DNAH5: variants seen among roughly 807,000 people sequenced by gnomAD.
The protein encoded by DNAH5 is axonemal beta dynein heavy chain 5.
DNAH5 carries 372 observed loss-of-function variants against 518.2 expected under a neutral mutation model. That is an observed-to-expected ratio of 0.72 (90% CI 0.66 to 0.78). DNAH5 has a LOEUF of 0.78. Ranked by LOEUF, DNAH5 falls within the 30% of genes least tolerant of loss-of-function variation. The pLI is 0.00. For missense variants in DNAH5, 5,523 were observed against 5,687.0 expected (o/e 0.97, Z 0.93); for synonymous variants, 2,039 against 2,025.9 (o/e 1.01, Z -0.17).
chr5:13,850,418 G>C (rs1766667669), intron 31 of DNAH5, among the ~76,000 whole-genome samples: 1 of 152,218 alleles, frequency 6.6e-6, no homozygotes, highest in African/African-American at 2.4e-5. Flanking sequence ...TGTTTATACA[G>C]TCTTATCCCA....
At chr5:13,942,604 C>T (rs568543724) in intron 1 of DNAH5, among the ~76,000 whole-genome samples, 23 of 152,264 alleles carry the variant, frequency 1.5e-4, no homozygotes, top group African/African-American at 5.1e-4. Flanking sequence ...ATCTGATCAC[C>T]GTCAGTCGCT....
intron 12 of DNAH5, among the ~76,000 whole-genome samples, chr5:13,904,210 C>T (rs1775005908): frequency 6.6e-6 from 1 of 150,902 alleles, no homozygotes; most frequent in Admixed American, 6.6e-5. Context: ...AAAAAAAGTT[C>T]ACCTCACTTA....
At chr5:13,999,390 C>A (rs1163481244) in intron 1 of DNAH5, among the ~76,000 whole-genome samples, 1 of 152,228 alleles carries the variant, frequency 6.6e-6, no homozygotes, top group African/African-American at 2.4e-5. Flanking sequence ...TGGCCACCAC[C>A]ATTCCACTCT....
chr5:13,760,197 C>G (rs769532913), intron 60 of DNAH5, among the ~76,000 whole-genome samples: 3 of 152,144 alleles, frequency 2.0e-5, no homozygotes, highest in Non-Finnish European at 4.4e-5. Context: ...TGAACATTTT[C>G]TAGTACTTTA....
At chr5:13,747,895 T>C (rs912110683) in intron 65 of DNAH5, among the ~76,000 whole-genome samples, 11 of 152,166 alleles carry the variant, frequency 7.2e-5, no homozygotes, top group African/African-American at 2.7e-4. Flanking sequence ...TTGTCAATTT[T>C]GTCAATTTTG....
Position 13,901,568 on chromosome 5 carries a change from T to A in DNAH5, c.1736A>T (p.Asn579Ile). ...LRMLKKFERL[N>I]IPNLGIDDKY... ...GTCATCAATACCAAGATTAGGTATA[T>A]TCAATCTGATTTTTTTAAAAAGTTA... Residue 579 changes from asparagine (N) to isoleucine (I), a missense_variant, in exon 14 of 79, where the codon AAT (asparagine) becomes ATT (isoleucine). Physicochemically the swap from Asn to Ile is moderately radical, Grantham distance 149. Transcript: ENST00000265104. The A allele has an allele frequency of 3.1e-6, 5 of 1,605,090 alleles. No homozygotes were observed. Among genetic ancestry groups the A allele is most frequent in the Non-Finnish European group, 4.3e-6 (5 of 1,174,838 alleles).
At position 13,978,822 on chromosome 5, in the gene DNAH5, A is replaced by T. The variant is rs139165168; in HGVS notation, c.12+32826T>A. On this transcript the variant is annotated intron_variant, in intron 1 of 78. Transcript: ENST00000681290. ...AATTGTGTAATGGCACATTTATCAG[A>T]ATGTATCTCCATCATTAAGTGAATA... Among the ~76,000 whole-genome samples the T allele has an allele frequency of 3.4e-3, 522 of 152,288 alleles. 6 individuals carry two copies. The highest frequency in any genetic ancestry group is 0.012 in the African/African-American group (499 of 41,552).
intron 40 of DNAH5, among the ~76,000 whole-genome samples, chr5:13,821,677 A>G (rs1344092872): frequency 6.6e-6 from 1 of 152,218 alleles, no homozygotes. Flanking sequence ...TTACTTAAAT[A>G]ATTTTTATAA....
At chr5:13,715,379 T>C (rs989736686) in intron 74 of DNAH5, among the ~76,000 whole-genome samples, 3 of 152,200 alleles carry the variant, frequency 2.0e-5, no homozygotes, top group African/African-American at 4.8e-5. Context: ...TGAGATGGGG[T>C]ATATATAAAA....
chr5:13,700,881 G>A lies in DNAH5; in HGVS notation c.13492-10C>T, dbSNP rs2126405922. ...TGGCCCGAGTTATTTCCTATTCAGG[G>A]CAGCAAAAGATGAATGGAGCGGTTA... On this transcript the variant is annotated splice_polypyrimidine_tract_variant and intron_variant, in intron 77 of 78. Coordinates refer to ENST00000265104, the MANE Select transcript of DNAH5 (RefSeq NM_001369.3). The A allele has an allele frequency of 1.7e-5, 27 of 1,613,518 alleles. No homozygotes were observed. Among genetic ancestry groups the A allele is most frequent in the Non-Finnish European group, 2.3e-5 (27 of 1,179,520 alleles).
chr5:13,793,897 C>A (rs777287115), intron 48 of DNAH5, 39 bp downstream of exon 48: 20 of 1,609,954 alleles, frequency 1.2e-5, no homozygotes, highest in Non-Finnish European at 1.6e-5. Context: ...AAATCAATAC[C>A]AAATTAAAGA....
chr5:13,775,360 A>G (rs1250550749), intron 55 of DNAH5, among the ~76,000 whole-genome samples: 3 of 152,080 alleles, frequency 2.0e-5, no homozygotes, highest in Non-Finnish European at 4.4e-5. Flanking sequence ...GTAGGTAAGA[A>G]TTTGTTTTAA....
chr5:13,763,705 A>G (rs1752091195), intron 59 of DNAH5, among the ~76,000 whole-genome samples: 1 of 152,200 alleles, frequency 6.6e-6, no homozygotes, highest in African/African-American at 2.4e-5. Context: ...AGTAGAACAC[A>G]CTCTCATTCA....
At chr5:13,969,848 C>T (rs903946315) in intron 1 of DNAH5, among the ~76,000 whole-genome samples, 1 of 152,034 alleles carries the variant, frequency 6.6e-6, no homozygotes, top group African/African-American at 2.4e-5. Flanking sequence ...TAGTTTAAGT[C>T]CATTGTTTCT....
In DNAH5 at chr5:13,753,425, G is replaced by T. The variant is rs774184336; in HGVS notation, c.10680C>A (p.Asn3560Lys). ...MKARKIPFGK[N>K]LNLSEMLIDA... ...CAATCAACATCTCACTGAGATTTAGGTTCTTTCCAAATGGAATTTTCCGGG... is the reference window on the plus strand; with the variant it reads ...CAATCAACATCTCACTGAGATTTAGTTTCTTTCCAAATGGAATTTTCCGGG... Residue 3560 changes from asparagine (N) to lysine (K), a missense_variant, in exon 63 of 79, where the codon AAC becomes AAA. Physicochemically the swap from Asn to Lys is moderately conservative, Grantham distance 94. Transcript: ENST00000265104. 6 of 1,613,870 alleles carry T rather than the reference G, an allele frequency of 3.7e-6. No homozygotes were observed. In the African/African-American group the frequency reaches 4.0e-5, roughly 11 times the overall value.
rs532267114 is a variant in DNAH5 at position 13,812,266 on chromosome 5, A to G, written c.7231-443T>C. Among the ~76,000 whole-genome samples the G allele has an allele frequency of 1.5e-3, 235 of 152,324 alleles. 7 individuals carry two copies. The South Asian group carries it at 0.044, about 29-fold the overall frequency. ...ATATGGAAATAACTCAGGGGGGAAA[A>G]GTAAAGAATAAAAGATGAACAAAGG... On this transcript the variant is annotated intron_variant, in intron 43 of 78. Transcript: ENST00000265104.
chr5:13,735,756 T>C, intron 67 of DNAH5, 62 bp downstream of exon 67: 1 of 1,228,338 alleles, frequency 8.1e-7, no homozygotes, highest in Non-Finnish European at 1.2e-6. Context: ...GTTATAAATG[T>C]AATGTCATCA....
rs568022378 is a variant in DNAH5 at position 13,923,807 on chromosome 5, G to T, written c.278-367C>A. The stretch of plus-strand genomic sequence containing the variant: ...GCCTATAATCCCAGCACTTTGAGAG[G>T]CCGAGGCGGGCAGATCACCTGAGGT... On this transcript the variant is annotated intron_variant, in intron 3 of 78. Transcript: ENST00000265104. Among the ~76,000 whole-genome samples, 3 of 152,314 alleles carry T rather than the reference G, an allele frequency of 2.0e-5. No homozygotes were observed. In the East Asian group the frequency reaches 5.8e-4, roughly 29 times the overall value.
intron 8 of DNAH5, 92 bp downstream of exon 8, chr5:13,917,045 AATGAAC>A: frequency 2.1e-6 from 2 of 943,302 alleles, no homozygotes; most frequent in South Asian, 2.7e-5. Flanking sequence ...AGACCTTTCC[AATGAAC>A]TGTAATATTG....
Sources: gnomAD v4.1 joint callset for allele counts (sites outside exome capture counted in the v4.1 genomes callset) on GRCh38, gnomAD v4.1.1 for gene constraint, MANE v1.5 for transcripts, NCBI Gene and HGNC (gene_info 2026-07-23, HGNC 2026-07-21) for gene names.